Variants in CFAP61 observed in about 807,000 individuals in gnomAD.
CFAP61 encodes cilia- and flagella-associated protein 61.
Under a neutral mutation model 135.6 loss-of-function variants are expected in CFAP61, and 107 were observed. The observed-to-expected ratio is 0.79, with a 90% CI of 0.67 to 0.93. The LOEUF is 0.93. Ranked by LOEUF, CFAP61 falls within the 40% of genes least tolerant of loss-of-function variation. The probability of loss-of-function intolerance (pLI) is 0.00; values close to 1 mark genes in which losing one functional copy is unlikely to be tolerated. For synonymous variants in CFAP61, 575 were observed against 578.5 expected, an observed-to-expected ratio of 0.99 and a Z score of 0.09; for missense variants, 1,507 against 1,556.2, an observed-to-expected ratio of 0.97 and a Z score of 0.53.
intron 20 of CFAP61, among the ~76,000 whole-genome samples, chr20:20,252,564 TC>T (rs957930788): frequency 6.6e-6 from 1 of 152,220 alleles, no homozygotes; most frequent in African/African-American, 2.4e-5. Context: ...CAGTTTTTTT[TC>T]TTCAGCTTAT....
chr20:20,278,637 T>C (rs530862139), intron 22 of CFAP61, among the ~76,000 whole-genome samples: 1 of 151,224 alleles, frequency 6.6e-6, no homozygotes, highest in Non-Finnish European at 1.5e-5. Flanking sequence ...GAGTGGGGGG[T>C]GATCAGCCTA....
At chr20:20,223,983 A>T (rs903506371) in intron 17 of CFAP61, among the ~76,000 whole-genome samples, 4 of 152,174 alleles carry the variant, frequency 2.6e-5, no homozygotes, top group African/African-American at 9.7e-5. Context: ...ACACCCTTTA[A>T]AAAGGGTCCA....
intron 26 of CFAP61, among the ~76,000 whole-genome samples, chr20:20,349,514 C>A (rs1353488531): frequency 6.6e-6 from 1 of 152,178 alleles, no homozygotes; most frequent in African/African-American, 2.4e-5. Context: ...GACCCAAACA[C>A]CTCCTCCAGG....
chr20:20,306,702 G>A (rs768580005), intron 25 of CFAP61, among the ~76,000 whole-genome samples: 9 of 152,132 alleles, frequency 5.9e-5, no homozygotes, highest in Non-Finnish European at 1.0e-4. Flanking sequence ...CTGAGTCAAC[G>A]TGCACTCCCA....
chr20:20,301,106 G>A (rs561766204), intron 25 of CFAP61, among the ~76,000 whole-genome samples: 8 of 152,036 alleles, frequency 5.3e-5, no homozygotes, highest in South Asian at 2.1e-4. Flanking sequence ...GATAATGTCC[G>A]AGGCCTTCGC....
At chr20:20,089,629 T>TA (rs2047043948) in intron 6 of CFAP61, among the ~76,000 whole-genome samples, 2 of 137,354 alleles carry the variant, frequency 1.5e-5, no homozygotes, top group African/African-American at 5.4e-5. Flanking sequence ...CCCACACAGG[T>TA]AAAAAAGAGC....
chr20:20,119,675 T>G (rs1009570166), intron 8 of CFAP61, among the ~76,000 whole-genome samples: 3 of 152,156 alleles, frequency 2.0e-5, no homozygotes, highest in Non-Finnish European at 4.4e-5. Context: ...GGGGTACATG[T>G]GTAGGTTTGT....
chr20:20,117,437 T>C (rs1439476481), intron 8 of CFAP61, among the ~76,000 whole-genome samples: 1 of 152,208 alleles, frequency 6.6e-6, no homozygotes. Flanking sequence ...TTCTGTTCCA[T>C]TGGTCTATGT....
chr20:20,244,173 A>G (rs1353720580), intron 18 of CFAP61, among the ~76,000 whole-genome samples: 1 of 152,008 alleles, frequency 6.6e-6, no homozygotes, highest in Non-Finnish European at 1.5e-5. Flanking sequence ...CTGCTGGTAG[A>G]TCTACCATTC....
chr20:20,356,453 G>A (rs2122483946), intron 26 of CFAP61, among the ~76,000 whole-genome samples: 1 of 151,134 alleles, frequency 6.6e-6, no homozygotes, highest in Admixed American at 6.6e-5. Context: ...GTCACAGTGT[G>A]AGGGGAGGTG....
intron 26 of CFAP61, among the ~76,000 whole-genome samples, chr20:20,356,128 G>A (rs1409172637): frequency 9.8e-6 from 1 of 101,900 alleles, no homozygotes; most frequent in Non-Finnish European, 2.0e-5. Context: ...AGGGGAGGTA[G>A]TCACACTGAG....
chr20:20,067,392 G>A (rs542179727), intron 2 of CFAP61, among the ~76,000 whole-genome samples: 8 of 152,148 alleles, frequency 5.3e-5, no homozygotes, highest in African/African-American at 1.9e-4. Context: ...ACCACAGAGC[G>A]AGACTCCGTC....
rs73285336 is a variant in CFAP61 at position 20,292,538 on chromosome 20, A to C, written c.3216+2147A>C. Among the ~76,000 whole-genome samples, 869 of 152,312 alleles carry C rather than the reference A, an allele frequency of 5.7e-3. 8 individuals carry two copies. The highest frequency in any genetic ancestry group is 0.02 in the African/African-American group (818 of 41,576). On this transcript the variant is annotated intron_variant, in intron 24 of 26. Coordinates refer to ENST00000245957, the MANE Select transcript of CFAP61 (RefSeq NM_015585.4). ...TTTGGACAGGGCACAGTGGGCACAG[A>C]TTGTCTCTGCTCCACACTATTCACA...
intron 26 of CFAP61, among the ~76,000 whole-genome samples, chr20:20,354,116 T>A (rs902671813): frequency 2.6e-5 from 4 of 152,172 alleles, no homozygotes; most frequent in Non-Finnish European, 5.9e-5. Context: ...ATGGTATATA[T>A]GCACAATGGA....
intron 20 of CFAP61, among the ~76,000 whole-genome samples, chr20:20,256,623 T>G (rs754552381): frequency 7.2e-5 from 11 of 152,164 alleles, no homozygotes; most frequent in Non-Finnish European, 1.6e-4. Context: ...TTAGTGATGC[T>G]GAAGACAAAG....
At chr20:20,172,795 AC>A (rs2146829945) in intron 13 of CFAP61, among the ~76,000 whole-genome samples, 1 of 152,252 alleles carries the variant, frequency 6.6e-6, no homozygotes, top group African/African-American at 2.4e-5. Context: ...TATCATTATC[AC>A]CCAATGTCCA....
At chr20:20,165,444 A>G (rs1410337535) in intron 11 of CFAP61, among the ~76,000 whole-genome samples, 4 of 152,104 alleles carry the variant, frequency 2.6e-5, no homozygotes, top group Admixed American at 1.3e-4. Flanking sequence ...GCTACAGCAA[A>G]GAGGAGGCAT....
chr20:20,308,302 G>A (rs750275304), intron 25 of CFAP61, among the ~76,000 whole-genome samples: 4 of 152,178 alleles, frequency 2.6e-5, no homozygotes, highest in African/African-American at 4.8e-5. Context: ...CTGACCTGCC[G>A]ATGTAGCTAT....
chr20:20,174,901 AGG>A (rs1397301082), intron 13 of CFAP61, among the ~76,000 whole-genome samples: 4 of 152,236 alleles, frequency 2.6e-5, no homozygotes, highest in Non-Finnish European at 5.9e-5. Context: ...AGTTAGCCCG[AGG>A]TGGCAGTGCC....
Sources: gnomAD v4.1 joint callset for allele counts (sites outside exome capture counted in the v4.1 genomes callset) on GRCh38, gnomAD v4.1.1 for gene constraint, MANE v1.5 for transcripts, NCBI Gene and HGNC (gene_info 2026-07-23, HGNC 2026-07-21) for gene names.